The following PRKN variants were observed in gnomAD, a reference collection of about 807,000 sequenced individuals.
PRKN encodes parkin RBR E3 ubiquitin protein ligase.
A neutral mutation model predicts 59.5 loss-of-function variants in PRKN; 56 were observed. The observed-to-expected ratio is 0.94, with a 90% confidence interval of 0.76 to 1.18. The LOEUF is 1.18. Ranked by LOEUF, PRKN falls within the 50% of genes most tolerant of loss-of-function variation. PRKN has a pLI of 0.00. For synonymous variants in PRKN, 250 were observed against 222.1 expected (o/e 1.13, Z -1.12); for missense variants, 657 against 596.4 (o/e 1.10, Z -1.06).
At chr6:161,570,290 A>G (rs1780839915) in intron 7 of PRKN, among the ~76,000 whole-genome samples, 1 of 146,660 alleles carries the variant, frequency 6.8e-6, no homozygotes, top group South Asian at 2.1e-4. Flanking sequence ...ATATGTAAAT[A>G]TATAATTTTA....
intron 2 of PRKN, among the ~76,000 whole-genome samples, chr6:162,301,063 A>G (rs1781924126): frequency 6.6e-6 from 1 of 152,124 alleles, no homozygotes; most frequent in African/African-American, 2.4e-5. Context: ...CTTCTTATAC[A>G]TGATTTTTAT....
At chr6:162,158,643 C>T (rs1782629369) in intron 4 of PRKN, among the ~76,000 whole-genome samples, 1 of 151,894 alleles carries the variant, frequency 6.6e-6, no homozygotes, top group Admixed American at 6.6e-5. Context: ...GTTGGCCAGT[C>T]TGGTCTTGAA....
At chr6:161,577,612 C>G (rs1275990512) in intron 7 of PRKN, among the ~76,000 whole-genome samples, 2 of 152,158 alleles carry the variant, frequency 1.3e-5, no homozygotes, top group Admixed American at 6.5e-5. Flanking sequence ...GAAATATTAT[C>G]TATTCAATTT....
chr6:162,154,026 G>A (rs529110427), intron 4 of PRKN, among the ~76,000 whole-genome samples: 1 of 152,272 alleles, frequency 6.6e-6, no homozygotes, highest in South Asian at 2.1e-4. Flanking sequence ...TGGCTTAAAG[G>A]TGGGGCTTTG....
chr6:161,614,987 G>T (rs941416493), intron 7 of PRKN, among the ~76,000 whole-genome samples: 30 of 146,470 alleles, frequency 2.0e-4, no homozygotes, highest in African/African-American at 1.5e-4. Context: ...GAGAGAGAGA[G>T]AGAGAGAGAG....
chr6:161,436,644 G>T (rs1040432201), intron 9 of PRKN, among the ~76,000 whole-genome samples: 2 of 151,998 alleles, frequency 1.3e-5, no homozygotes, highest in Admixed American at 1.3e-4. Flanking sequence ...TGATGGGAAC[G>T]TGGGTCAAAT....
intron 6 of PRKN, among the ~76,000 whole-genome samples, chr6:161,971,817 TCA>T (rs1780819311): frequency 6.6e-6 from 1 of 152,148 alleles, no homozygotes; most frequent in Non-Finnish European, 1.5e-5. Context: ...TATCACGAAA[TCA>T]CAGAGTTTAA....
chr6:162,530,484 C>T (rs144969832), intron 1 of PRKN, among the ~76,000 whole-genome samples: 270 of 152,206 alleles, frequency 1.8e-3, no homozygotes, highest in African/African-American at 6.1e-3. Flanking sequence ...GGTTAAAGTC[C>T]GAGACCCACC....
At chr6:162,149,978 CTGCA>C (rs896762616) in intron 4 of PRKN, among the ~76,000 whole-genome samples, 32 of 152,224 alleles carry the variant, frequency 2.1e-4, no homozygotes, top group Admixed American at 1.8e-3. Context: ...CTCTACATTC[CTGCA>C]TTTTGTCACA....
At chr6:162,468,002 A>AC (rs1791514965) in intron 1 of PRKN, among the ~76,000 whole-genome samples, 1 of 152,074 alleles carries the variant, frequency 6.6e-6, no homozygotes, top group South Asian at 2.1e-4. Flanking sequence ...TCCTGTGACC[A>AC]CCCTAATTAA....
intron 6 of PRKN, among the ~76,000 whole-genome samples, chr6:161,824,991 G>T (rs2128217273): frequency 6.6e-6 from 1 of 152,202 alleles, no homozygotes; most frequent in Admixed American, 6.6e-5. Context: ...ATTATTAGAA[G>T]TTACCTCAAA....
At chr6:161,716,016 C>T in intron 7 of PRKN, 1 of 925,824 alleles carries the variant, frequency 1.1e-6, no homozygotes. Context: ...ACAAGCTCTT[C>T]TGGGGAATTG....
chr6:161,794,516 T>C (rs1790761409), intron 6 of PRKN, among the ~76,000 whole-genome samples: 1 of 152,184 alleles, frequency 6.6e-6, no homozygotes, highest in African/African-American at 2.4e-5. Context: ...GCTTCCATCC[T>C]GACAGTTCTT....
intron 1 of PRKN, among the ~76,000 whole-genome samples, chr6:162,500,135 C>G (rs1042284414): frequency 1.3e-5 from 2 of 151,490 alleles, no homozygotes; most frequent in African/African-American, 4.8e-5. Flanking sequence ...CTCCTCCCAT[C>G]ACACCAAACA....
chr6:162,206,325 G>A (rs1461020346), intron 3 of PRKN, among the ~76,000 whole-genome samples: 1 of 152,062 alleles, frequency 6.6e-6, no homozygotes, highest in Admixed American at 6.6e-5. Flanking sequence ...TGACATCTAA[G>A]AGAAGGAAAG....
At chr6:162,281,134 G>A (rs898049475) in intron 2 of PRKN, among the ~76,000 whole-genome samples, 1 of 152,058 alleles carries the variant, frequency 6.6e-6, no homozygotes, top group Non-Finnish European at 1.5e-5. Flanking sequence ...GGATGCAGCT[G>A]GAAACCATCA....
chr6:162,032,558 C>G (rs957740501), intron 5 of PRKN, among the ~76,000 whole-genome samples: 1 of 152,152 alleles, frequency 6.6e-6, no homozygotes. Flanking sequence ...TAGCTACTAT[C>G]TGCTGGTTAT....
intron 2 of PRKN, among the ~76,000 whole-genome samples, chr6:162,427,499 T>G (rs548892493): frequency 6.6e-6 from 1 of 152,228 alleles, no homozygotes; most frequent in Non-Finnish European, 1.5e-5. Context: ...CCTACTGCTA[T>G]ATCCACTAAC....
intron 6 of PRKN, among the ~76,000 whole-genome samples, chr6:161,913,615 C>CA (rs1385721935): frequency 6.6e-6 from 1 of 152,114 alleles, no homozygotes; most frequent in Non-Finnish European, 1.5e-5. Flanking sequence ...TCATTGTTTA[C>CA]AAAAAACCTA....
Sources: allele counts gnomAD v4.1 joint callset (sites outside exome capture counted in the v4.1 genomes callset), GRCh38; gene constraint gnomAD v4.1.1; transcripts MANE v1.5; gene names NCBI Gene and HGNC (gene_info 2026-07-23, HGNC 2026-07-21).